Variants in ANAPC5 observed in about 807,000 individuals in gnomAD.
ANAPC5 encodes the protein anaphase-promoting complex subunit 5.
A neutral mutation model predicts 91.3 loss-of-function variants in ANAPC5; 60 were observed. The ratio of observed to expected loss-of-function variants is 0.66; its 90% CI spans 0.53 to 0.81. ANAPC5 has a LOEUF of 0.81. Among genes scored for constraint, ANAPC5 ranks in the 40% least tolerant of loss-of-function variants. ANAPC5 has a pLI of 0.00. For missense variants in ANAPC5, 690 were observed against 931.5 expected (o/e 0.74, Z 3.37); for synonymous variants, 340 against 364.1 (o/e 0.93, Z 0.75).
At chr12:121,308,754 C>T (rs1166035152) in intron 16 of ANAPC5, 63 bp from the exon 17 acceptor site, 5 of 1,323,738 alleles carry the variant, frequency 3.8e-6, no homozygotes, top group East Asian at 2.3e-5. Context: ...GTTTTCAAAA[C>T]GTGGTATTTA....
Position 121,341,983 on chromosome 12 carries a change from A to T in ANAPC5, c.657+20T>A, listed in dbSNP as rs782317893. On this transcript the variant is annotated intron_variant, in intron 5 of 16. Transcript: ENST00000261819. ...CAGGACTAGAACAGAAGTTCATGAT[A>T]AATTACAGAATTCACATACCTGTTG... The T allele has an allele frequency of 2.5e-6, 4 of 1,590,676 alleles. No individual in the cohort carries two copies. The South Asian group carries it at 4.5e-5, about 18-fold the overall frequency.
chr12:121,317,986 C>G (rs935522721), intron 15 of ANAPC5: 1 of 250,352 alleles, frequency 4.0e-6, no homozygotes, highest in African/African-American at 2.2e-5. Context: ...AATCAAGCAT[C>G]ACTCTGTGTC....
chr12:121,353,640 C>T (rs1255880320), upstream of ANAPC5, among the ~76,000 whole-genome samples: 7 of 151,804 alleles, frequency 4.6e-5, no homozygotes, highest in Non-Finnish European at 8.8e-5. Flanking sequence ...CGGGGTGTCA[C>T]CGTGTTAGCC....
intron 1 of ANAPC5, among the ~76,000 whole-genome samples, chr12:121,348,520 C>G (rs1379505099): frequency 3.3e-5 from 5 of 152,100 alleles, no homozygotes; most frequent in African/African-American, 1.2e-4. Flanking sequence ...CAAAAATTAG[C>G]CAGGCATGGT....
chr12:121,345,576 C>A (rs540259128), intron 4 of ANAPC5, among the ~76,000 whole-genome samples: 4 of 152,190 alleles, frequency 2.6e-5, no homozygotes, highest in African/African-American at 9.6e-5. Flanking sequence ...CCCCCCAGGA[C>A]CCCCAAGAAA....
intron 2 of ANAPC5, 74 bp from the exon 3 acceptor site, chr12:121,347,079 T>A: frequency 1.2e-6 from 1 of 845,246 alleles, no homozygotes; most frequent in Non-Finnish European, 1.8e-6. Context: ...ATTCCTCAAT[T>A]ACCTCAAATA....
At chr12:121,313,520 G>GA (rs1189699161) in intron 15 of ANAPC5, among the ~76,000 whole-genome samples, 2 of 152,084 alleles carry the variant, frequency 1.3e-5, no homozygotes, top group African/African-American at 4.8e-5. Flanking sequence ...GACTGACCAA[G>GA]AAAAAAGAGA....
At chr12:121,319,067 TATGA>T (rs1188839640) in intron 13 of ANAPC5, among the ~76,000 whole-genome samples, 1 of 151,886 alleles carries the variant, frequency 6.6e-6, no homozygotes, top group Non-Finnish European at 1.5e-5. Context: ...TGTATGTGTG[TATGA>T]ATGTGTGTGT....
At chr12:121,312,766 G>C (rs1471281304) in intron 15 of ANAPC5, among the ~76,000 whole-genome samples, 2 of 149,648 alleles carry the variant, frequency 1.3e-5, no homozygotes, top group Non-Finnish European at 3.0e-5. Flanking sequence ...TGTAATCCCA[G>C]CTACTTGGGA....
chr12:121,345,820 G>C lies in ANAPC5; in HGVS notation c.590+19C>G. The C allele has an allele frequency of 6.2e-7, 1 of 1,605,814 alleles. No homozygotes were observed. The highest frequency in any genetic ancestry group is 8.5e-7 in the Non-Finnish European group (1 of 1,176,264). On this transcript the variant is annotated intron_variant, in intron 4 of 16. Coordinates refer to ENST00000261819, the MANE Select transcript of ANAPC5 (RefSeq NM_016237.5). ...ACTATTTCACAGGAAAAGGATCCCT[G>C]TCAGAAAAGCCAAATTACCTTACAG...
chr12:121,312,502 C>T (rs968152008), intron 15 of ANAPC5, among the ~76,000 whole-genome samples: 14 of 150,800 alleles, frequency 9.3e-5, no homozygotes, highest in Admixed American at 6.6e-4. Context: ...GTCAGGAGAT[C>T]GAGACCATCC....
At chr12:121,312,570 G>A (rs1166515708) in intron 15 of ANAPC5, among the ~76,000 whole-genome samples, 1 of 151,882 alleles carries the variant, frequency 6.6e-6, no homozygotes, top group East Asian at 1.9e-4. Flanking sequence ...AGCCTGGTGT[G>A]GTGGCACATG....
chr12:121,337,174 T>C lies in ANAPC5; in HGVS notation c.759+117A>G. ...CGGAGGTTGCAGTGAGCCAAGGTCG[T>C]GCCACTGCACTCCAGCCTGGCAACA... On this transcript the variant is annotated intron_variant, in intron 6 of 16. Coordinates refer to ENST00000261819, the MANE Select transcript of ANAPC5 (RefSeq NM_016237.5). 6.7e-6 allele frequency: 5 copies of C among 745,668 alleles called. No homozygotes were observed. In the South Asian group the frequency reaches 7.9e-5, roughly 12 times the overall value. 46.2% of individuals were successfully genotyped at this position (745,668 alleles called of 1,614,324 possible). A position where few individuals can be genotyped will look rare whatever the true frequency, so the allele number is the denominator to read the frequency against.
chr12:121,320,393 G>A lies in ANAPC5; in HGVS notation c.1507C>T (p.His503Tyr), dbSNP rs1049230924. ...TGCAAAAGGCAGATTACCTGGGCGT[G>A]CTGACTATTAGGCGGAAATCGTTCC... ...LKERFPPNSQ[H>Y]AQLWMLCDQK... The change falls in exon 12 of 17, where the codon CAC (histidine) becomes TAC (tyrosine). Residue 503 changes from histidine to tyrosine, a missense_variant. This residue lies in a region of ANAPC5 where 317 missense variants were observed against 438.7 expected (regional missense o/e 0.72). Coordinates refer to ENST00000261819, the MANE Select transcript of ANAPC5 (RefSeq NM_016237.5). 2 of 1,613,324 alleles carry A rather than the reference G, an allele frequency of 1.2e-6. No homozygotes were observed.
chr12:121,328,233 A>G (rs1902897333), intron 10 of ANAPC5, 83 bp downstream of exon 10: 5 of 1,264,606 alleles, frequency 4.0e-6, no homozygotes, highest in Non-Finnish European at 5.6e-6. Context: ...TAAATCTTGT[A>G]TGTATGGCCT....
At chr12:121,354,003 T>TC (rs1352895531), upstream of ANAPC5, among the ~76,000 whole-genome samples, 3 of 98,326 alleles carry the variant, frequency 3.1e-5, no homozygotes, top group African/African-American at 1.0e-4. Flanking sequence ...TTTTTTTTTT[T>TC]CCCGATACGG....
intron 5 of ANAPC5, among the ~76,000 whole-genome samples, chr12:121,339,906 C>T (rs1269688127): frequency 4.2e-5 from 5 of 117,800 alleles, no homozygotes; most frequent in South Asian, 2.9e-4. Context: ...GATGGAGTGT[C>T]GTTCTTGTGG....
intron 2 of ANAPC5, 177 bp from the exon 3 acceptor site, chr12:121,347,182 A>T: frequency 1.9e-6 from 1 of 518,762 alleles, no homozygotes; most frequent in Non-Finnish European, 3.4e-6. Context: ...ATTTCTGAAA[A>T]GTATCATTGT....
chr12:121,341,147 A>C (rs1903442497), intron 5 of ANAPC5, among the ~76,000 whole-genome samples: 1 of 150,512 alleles, frequency 6.6e-6, no homozygotes, highest in Non-Finnish European at 1.5e-5. Context: ...TCAGTGACAG[A>C]GTGAGACTCC....
Sources: gnomAD v4.1 joint callset for allele counts (sites outside exome capture counted in the v4.1 genomes callset) on GRCh38, gnomAD v4.1.1 for gene constraint, gnomAD v4.1.1 regional missense constraint, MANE v1.5 for transcripts, NCBI Gene and HGNC (gene_info 2026-07-23, HGNC 2026-07-21) for gene names.